The following FAM83B variants were observed in gnomAD, a reference collection of about 807,000 sequenced individuals.
The protein encoded by FAM83B is scaffolding CK1 anchoring protein B.
FAM83B carries 26 observed loss-of-function variants against 38.8 expected under a neutral mutation model. That is an observed-to-expected ratio of 0.67 (90% CI 0.49 to 0.93). The LOEUF is 0.93. Ranked by LOEUF, FAM83B falls within the 40% of genes least tolerant of loss-of-function variation. The pLI, the probability that FAM83B is intolerant of heterozygous loss-of-function variation, is 0.00. For synonymous variants in FAM83B, 419 were observed against 423.1 expected, an observed-to-expected ratio of 0.99 and a Z score of 0.12; for missense variants, 1,237 against 1,197.3, an observed-to-expected ratio of 1.03 and a Z score of -0.49.
Position 54,940,082 on chromosome 6 carries a change from G to T in FAM83B, c.1111G>T (p.Ala371Ser), listed in dbSNP as rs756612509. Residue 371 changes from alanine (A) to serine (S), a missense_variant, in exon 5 of 5, where the codon GCA becomes TCA. Physicochemically the swap from Ala to Ser is moderately conservative, Grantham distance 99. Transcript: ENST00000306858. ...TGTTCCTAACTTTAATGGTCCAAAC[G>T]CAATACGTCAGTTTCAACCCAATCA... Reference protein sequence around the residue: ...HFVPNFNGPNAIRQFQPNQIN... With the variant: ...HFVPNFNGPNSIRQFQPNQIN... 2.5e-6 allele frequency: 4 copies of T among 1,613,946 alleles called. No individual in the cohort carries two copies. Among genetic ancestry groups the T allele is most frequent in the Non-Finnish European group, 3.4e-6 (4 of 1,179,980 alleles).
At position 54,940,761 on chromosome 6, in the gene FAM83B, A is replaced by C. The variant is rs1221300610; in HGVS notation, c.1790A>C (p.Glu597Ala). 1 of 1,613,924 alleles carries C rather than the reference A, an allele frequency of 6.2e-7. No homozygotes were observed. Among genetic ancestry groups the C allele is most frequent in the Non-Finnish European group, 8.5e-7 (1 of 1,180,014 alleles). ...VQHLTDKPLP[E>A]SIPKLPLQSE... Reference sequence around the variant, plus strand: ...CATTTGACAGACAAACCCTTGCCAGAATCAATCCCCAAGCTCCCATTGCAG... The same window carrying C: ...CATTTGACAGACAAACCCTTGCCAGCATCAATCCCCAAGCTCCCATTGCAG... Residue 597 changes from glutamate to alanine, a missense_variant, in exon 5 of 5, where the codon GAA becomes GCA. Glu to Ala is a moderately radical substitution (Grantham distance 107, BLOSUM62 -1). Transcript: ENST00000306858.
In FAM83B at chr6:54,940,261, G is replaced by A; in HGVS notation, c.1290G>A (p.Arg430=). ...SDSLSVASSS[R]EGYVSHHNTP... The stretch of plus-strand genomic sequence containing the variant: ...GTCTCAGTGTGGCGTCCTCATCACG[G>A]GAAGGCTATGTAAGCCACCACAACA... Residue 430 remains arginine (R), a synonymous_variant, in exon 5 of 5, where the codon CGG becomes CGA. Transcript: ENST00000306858. 1 of 1,614,004 alleles carries A rather than the reference G, an allele frequency of 6.2e-7. No homozygotes were observed. The highest frequency in any genetic ancestry group is 8.5e-7 in the Non-Finnish European group (1 of 1,179,984).
rs1048156637 is a variant in FAM83B at position 54,888,733 on chromosome 6, A to AT, written c.444+18053dup. 4.0e-5 allele frequency among the ~76,000 whole-genome samples: 6 copies of AT among 150,654 alleles called. No homozygotes were observed. In the South Asian group the frequency reaches 1.0e-3, roughly 26 times the overall value. ...ATGTAACTAGGGGAACAGTTTTTAA[A>AT]TTTTTTTTTTCTCCTTGACATAATA... On this transcript the variant is annotated intron_variant, in intron 2 of 4. Transcript: ENST00000306858.
intron 2 of FAM83B, among the ~76,000 whole-genome samples, chr6:54,912,584 A>G (rs1158435733): frequency 6.6e-6 from 1 of 151,750 alleles, no homozygotes; most frequent in African/African-American, 2.4e-5. Context: ...ATATTTATAT[A>G]TTGTTTATCT....
intron 2 of FAM83B, among the ~76,000 whole-genome samples, chr6:54,891,645 ATAG>A (rs2127580442): frequency 6.6e-6 from 1 of 152,264 alleles, no homozygotes; most frequent in South Asian, 2.1e-4. Context: ...CATGTCCAAA[ATAG>A]TAGCTAGAAG....
Position 54,889,956 on chromosome 6 carries a change from A to G in FAM83B, c.444+19266A>G, listed in dbSNP as rs576997984. 3.2e-3 allele frequency among the ~76,000 whole-genome samples: 487 copies of G among 152,160 alleles called. 1 individual carries two copies. The highest frequency in any genetic ancestry group is 0.024 in the Middle Eastern group (7 of 292). On this transcript the variant is annotated intron_variant, in intron 2 of 4. Coordinates refer to ENST00000306858, the MANE Select transcript of FAM83B (RefSeq NM_001010872.3). ...ACATAATTTAGTAGTGAAGTTTTTG[A>G]TACTTATAAGTTTTACATTTTAACC...
rs1773759156 is a variant in FAM83B at position 54,944,216 on chromosome 6, T to A, written c.*2209T>A. 1 of 152,210 alleles carries A rather than the reference T, an allele frequency of 6.6e-6. No individual in the cohort carries two copies. Among genetic ancestry groups the A allele is most frequent in the Non-Finnish European group, 1.5e-5 (1 of 68,040 alleles). The allele number at this position is 152,210 out of a possible 1,614,324, so 9.4% of individuals were successfully genotyped here. On this transcript the variant is annotated 3_prime_UTR_variant, in exon 5 of 5. Transcript: ENST00000306858. Reference sequence around the variant, plus strand: ...AAAAATGTACAGCTACTGTTTAAGTTTTAAACAGACACCATCACAGTTTGT... The same window carrying A: ...AAAAATGTACAGCTACTGTTTAAGTATTAAACAGACACCATCACAGTTTGT...
intron 2 of FAM83B, among the ~76,000 whole-genome samples, chr6:54,900,292 A>C (rs565866470): frequency 6.6e-6 from 1 of 152,268 alleles, no homozygotes; most frequent in South Asian, 2.1e-4. Context: ...GGGAGGCCCT[A>C]TCCTACCCCA....
At chr6:54,877,082 T>C (rs539055380) in intron 2 of FAM83B, among the ~76,000 whole-genome samples, 256 of 152,272 alleles carry the variant, frequency 1.7e-3, no homozygotes, top group Middle Eastern at 6.8e-3. Context: ...GGGTAGAAAT[T>C]AGCAGTTTTA....
chr6:54,941,556 A>T lies in FAM83B; in HGVS notation c.2585A>T (p.Asp862Val), dbSNP rs771386096. The T allele has an allele frequency of 1.2e-6, 2 of 1,614,084 alleles. No individual in the cohort carries two copies. Among genetic ancestry groups the T allele is most frequent in the East Asian group, 2.2e-5 (1 of 44,876 alleles). The change falls in exon 5 of 5, where the codon GAT becomes GTT. Residue 862 changes from aspartate (D) to valine (V), a missense_variant. By Grantham distance (152) the Asp-to-Val change is radical (BLOSUM62 -3). Transcript: ENST00000306858. ...TCTCAAGAGATAAATGCTCCACCAG[A>T]TGAAAATAAAAGAACACCTTCTCCA... ...SPSQEINAPP[D>V]ENKRTPSPGP...
chr6:54,902,506 A>G (rs181681580), intron 2 of FAM83B, among the ~76,000 whole-genome samples: 2 of 152,312 alleles, frequency 1.3e-5, no homozygotes, highest in East Asian at 3.9e-4. Context: ...CTTCAACTCT[A>G]TTATGATCAT....
intron 1 of FAM83B, among the ~76,000 whole-genome samples, chr6:54,862,635 G>T (rs137932245): frequency 0.01 from 1,531 of 152,208 alleles, 31 homozygotes; most frequent in African/African-American, 0.033. Flanking sequence ...CTAGGACTTT[G>T]GGAGGCTGAA....
intron 2 of FAM83B, among the ~76,000 whole-genome samples, chr6:54,878,406 A>C (rs771909443): frequency 2.0e-5 from 3 of 152,188 alleles, no homozygotes; most frequent in Non-Finnish European, 4.4e-5. Flanking sequence ...CAAAACACAA[A>C]TATGGTTGAG....
chr6:54,917,439 C>A (rs1773070741), intron 2 of FAM83B, among the ~76,000 whole-genome samples: 1 of 152,014 alleles, frequency 6.6e-6, no homozygotes, highest in East Asian at 1.9e-4. Flanking sequence ...TGTTCCCTTC[C>A]CAATGTCTTC....
chr6:54,871,560 A>G (rs1390376793), intron 2 of FAM83B, among the ~76,000 whole-genome samples: 2 of 140,942 alleles, frequency 1.4e-5, no homozygotes, highest in African/African-American at 2.6e-5. Flanking sequence ...CTCTACAATA[A>G]TAATAATAAT....
At chr6:54,866,485 G>A (rs1018010921) in intron 1 of FAM83B, among the ~76,000 whole-genome samples, 1 of 151,940 alleles carries the variant, frequency 6.6e-6, no homozygotes, top group Non-Finnish European at 1.5e-5. Context: ...CTACCTCTCC[G>A]ACTGTCATTT....
intron 1 of FAM83B, among the ~76,000 whole-genome samples, chr6:54,857,587 T>C (rs1771472797): frequency 6.6e-6 from 1 of 152,112 alleles, no homozygotes; most frequent in Non-Finnish European, 1.5e-5. Context: ...CTGAATTTAC[T>C]TGTAATGTAA....
intron 2 of FAM83B, among the ~76,000 whole-genome samples, chr6:54,891,636 ATGT>A (rs770160565): frequency 1.2e-4 from 18 of 152,144 alleles, no homozygotes; most frequent in Admixed American, 3.9e-4. Flanking sequence ...CAAATGCAGC[ATGT>A]CCAAAATAGT....
At chr6:54,894,905 A>T (rs1253204218) in intron 2 of FAM83B, among the ~76,000 whole-genome samples, 1 of 152,228 alleles carries the variant, frequency 6.6e-6, no homozygotes. Context: ...TCTACCACTT[A>T]GCTTTTACAG....
Sources: gnomAD v4.1 joint callset for allele counts (sites outside exome capture counted in the v4.1 genomes callset) on GRCh38, gnomAD v4.1.1 for gene constraint, MANE v1.5 for transcripts, NCBI Gene and HGNC (gene_info 2026-07-23, HGNC 2026-07-21) for gene names.